C3orf33: variants seen among roughly 807,000 people sequenced by gnomAD.
C3orf33 encodes the protein AP-1 activity suppressor.
A neutral mutation model predicts 28.7 loss-of-function variants in C3orf33; 23 were observed. That is an observed-to-expected ratio of 0.80 (90% CI 0.58 to 1.13). C3orf33 has a LOEUF of 1.13. Among genes scored for constraint, C3orf33 ranks in the 50% most tolerant of loss-of-function variants. The pLI is 0.00. For missense variants in C3orf33, 327 were observed against 353.4 expected (o/e 0.93, Z 0.60); for synonymous variants, 119 against 120.5 (o/e 0.99, Z 0.08).
At chr3:155,785,158 C>CA (rs1187570291) in intron 2 of C3orf33, among the ~76,000 whole-genome samples, 1 of 151,240 alleles carries the variant, frequency 6.6e-6, no homozygotes, top group African/African-American at 2.4e-5. Flanking sequence ...ATAAAATATT[C>CA]AAAAAAAGCA....
At chr3:155,778,640 A>G (rs556906989) in intron 2 of C3orf33, among the ~76,000 whole-genome samples, 78 of 152,350 alleles carry the variant, frequency 5.1e-4, no homozygotes, top group African/African-American at 1.8e-3. Flanking sequence ...GAGAGGAGAA[A>G]TGCTAAATCA....
intron 4 of C3orf33, among the ~76,000 whole-genome samples, chr3:155,764,177 A>T (rs897979395): frequency 2.6e-5 from 4 of 152,310 alleles, no homozygotes; most frequent in East Asian, 3.9e-4. Context: ...TAATCCGAAG[A>T]GGTGAGGAAG....
chr3:155,800,918 C>A (rs952852721), intron 2 of C3orf33, among the ~76,000 whole-genome samples: 3 of 151,908 alleles, frequency 2.0e-5, no homozygotes, highest in Non-Finnish European at 4.4e-5. Context: ...TAACAAAAAA[C>A]CAGAAAATAA....
At chr3:155,787,139 A>G (rs1751144735) in intron 2 of C3orf33, among the ~76,000 whole-genome samples, 1 of 152,190 alleles carries the variant, frequency 6.6e-6, no homozygotes, top group South Asian at 2.1e-4. Context: ...ACTATAGACC[A>G]GTATCTGTCA....
intron 2 of C3orf33, among the ~76,000 whole-genome samples, chr3:155,776,736 A>G (rs997685790): frequency 7.0e-6 from 1 of 143,690 alleles, no homozygotes; most frequent in Admixed American, 7.1e-5. Flanking sequence ...AGCCTGGGTG[A>G]CAGAGCGAGA....
chr3:155,799,123 A>T (rs1406913187), intron 2 of C3orf33, among the ~76,000 whole-genome samples: 3 of 152,228 alleles, frequency 2.0e-5, no homozygotes, highest in Admixed American at 6.5e-5. Context: ...ATAGGCAATA[A>T]CAAACGCTGG....
At chr3:155,798,009 T>G (rs1271771092) in intron 2 of C3orf33, among the ~76,000 whole-genome samples, 1 of 151,702 alleles carries the variant, frequency 6.6e-6, no homozygotes, top group African/African-American at 2.4e-5. Context: ...AGGTGGAGGT[T>G]TCAGTGAGCC....
chr3:155,769,244 G>A (rs565141257), intron 3 of C3orf33, among the ~76,000 whole-genome samples: 12 of 151,790 alleles, frequency 7.9e-5, no homozygotes, highest in African/African-American at 1.7e-4. Context: ...TTTGGGAGGC[G>A]GAAGTTGCGG....
In C3orf33 at chr3:155,775,693, T is replaced by C. The variant is rs1426125356; in HGVS notation, c.322+8A>G. ...TAGTTAGTTTCATTAATCTTGTACC[T>C]TACTTACTTCTCAATGAAGCTATAA... On this transcript the variant is annotated splice_region_variant and intron_variant, in intron 3 of 4. Transcript: ENST00000340171. The C allele has an allele frequency of 6.6e-7, 1 of 1,505,220 alleles. No individual in the cohort carries two copies. The highest frequency in any genetic ancestry group is 1.2e-5 in the South Asian group (1 of 81,316). The allele number at this position is 1,505,220 out of a possible 1,614,324, so 93.2% of individuals were successfully genotyped here.
At chr3:155,780,084 A>T (rs979691407) in intron 2 of C3orf33, among the ~76,000 whole-genome samples, 1 of 152,228 alleles carries the variant, frequency 6.6e-6, no homozygotes, top group Non-Finnish European at 1.5e-5. Flanking sequence ...GAATAGGTTT[A>T]AAATAAATTA....
At chr3:155,796,315 A>G (rs1337037886) in intron 2 of C3orf33, among the ~76,000 whole-genome samples, 1 of 152,132 alleles carries the variant, frequency 6.6e-6, no homozygotes, top group Non-Finnish European at 1.5e-5. Context: ...GAAAAAGGAG[A>G]CATTACAACC....
At chr3:155,781,196 C>T (rs9757945) in intron 2 of C3orf33, among the ~76,000 whole-genome samples, 14,904 of 149,828 alleles carry the variant, frequency 0.099, 996 homozygotes, top group Middle Eastern at 0.16. Context: ...TTAGTAGAGA[C>T]GGGGTTTCAC....
chr3:155,786,661 T>C (rs1751125946), intron 2 of C3orf33, among the ~76,000 whole-genome samples: 1 of 152,028 alleles, frequency 6.6e-6, no homozygotes, highest in Admixed American at 6.6e-5. Flanking sequence ...ACCCCATCTC[T>C]ACTAAAAATA....
intron 2 of C3orf33, among the ~76,000 whole-genome samples, chr3:155,780,700 T>C (rs1750891460): frequency 6.6e-6 from 1 of 152,158 alleles, no homozygotes; most frequent in South Asian, 2.1e-4. Flanking sequence ...ATTTTAGGGA[T>C]GGGAAAGCTA....
chr3:155,800,608 T>A (rs1353885223), intron 2 of C3orf33, among the ~76,000 whole-genome samples: 1 of 15,618 alleles, frequency 6.4e-5, no homozygotes, highest in Non-Finnish European at 1.3e-4. Context: ...AGACCTTATC[T>A]CCAAAAAAAA....
intron 2 of C3orf33, among the ~76,000 whole-genome samples, chr3:155,784,330 TA>T (rs1330964416): frequency 6.6e-6 from 1 of 152,234 alleles, no homozygotes; most frequent in Non-Finnish European, 1.5e-5. Flanking sequence ...GTAGTTTTTG[TA>T]TTTTATTGAG....
chr3:155,802,155 T>C (rs919317866), intron 2 of C3orf33, among the ~76,000 whole-genome samples: 3 of 152,218 alleles, frequency 2.0e-5, no homozygotes, highest in African/African-American at 7.2e-5. Context: ...CATAAATTAT[T>C]GAGTGCTAAG....
At chr3:155,769,317 A>AC (rs35356373) in intron 3 of C3orf33, among the ~76,000 whole-genome samples, 79,685 of 145,276 alleles carry the variant, frequency 0.55, 22,894 homozygotes, top group East Asian at 0.82. Context: ...CCTCTCAAAA[A>AC]AAAAAAAAAA....
chr3:155,768,863 A>G (rs1750490711), intron 3 of C3orf33, among the ~76,000 whole-genome samples: 1 of 152,234 alleles, frequency 6.6e-6, no homozygotes, highest in African/African-American at 2.4e-5. Context: ...AGCCTAGGCT[A>G]CAGGGCAAGA....
Sources: gnomAD v4.1 joint callset for allele counts (sites outside exome capture counted in the v4.1 genomes callset) on GRCh38, gnomAD v4.1.1 for gene constraint, MANE v1.5 for transcripts, NCBI Gene and HGNC (gene_info 2026-07-23, HGNC 2026-07-21) for gene names.